SAMSN1: variants seen among roughly 807,000 people sequenced by gnomAD.
SAMSN1 encodes the protein SAM domain-containing protein SAMSN-1.
In SAMSN1, 31 loss-of-function variants were observed where a neutral mutation model predicts 42.0. That is an observed-to-expected ratio of 0.74 (90% CI 0.55 to 1.00). SAMSN1 has a LOEUF of 1.00. Among genes scored for constraint, SAMSN1 ranks in the 50% least tolerant of loss-of-function variants. The probability of loss-of-function intolerance (pLI) is 0.00; values close to 1 mark genes in which losing one functional copy is unlikely to be tolerated. For missense variants in SAMSN1, 464 were observed against 439.4 expected, an observed-to-expected ratio of 1.06 and a Z score of -0.50; for synonymous variants, 178 against 151.9, an observed-to-expected ratio of 1.17 and a Z score of -1.26.
chr21:14,516,916 G>A lies in SAMSN1; in HGVS notation c.255C>T (p.Tyr85=), dbSNP rs1355413755. 42 of 1,609,954 alleles carry A rather than the reference G, an allele frequency of 2.6e-5. No individual in the cohort carries two copies. The highest frequency in any genetic ancestry group is 3.6e-5 in the Non-Finnish European group (42 of 1,178,534). The change falls in exon 3 of 8, where the codon TAC becomes TAT. Residue 85 remains tyrosine (Y), a synonymous_variant. Transcript: ENST00000400566. ...WTMKKKVGKK[Y]IKALSEEKDE... ...CCTTTTCCTCAGAAAGGGCTTTGAT[G>A]TACTTTTTACCCACTTTTTTCTTCA...
chr21:14,655,670 T>TA (rs542129596), intron 1 of SAMSN1, among the ~76,000 whole-genome samples: 1 of 151,568 alleles, frequency 6.6e-6, no homozygotes, highest in African/African-American at 2.4e-5. Context: ...TAGAGTTATT[T>TA]AAAAAAAATT....
intron 4 of SAMSN1, 89 bp from the exon 5 acceptor site, chr21:14,510,550 G>T: frequency 7.0e-7 from 1 of 1,438,542 alleles, no homozygotes; most frequent in Non-Finnish European, 9.7e-7. Context: ...GATAATGCTG[G>T]AACACTGGAT....
At chr21:14,587,896 C>T (rs916686304), upstream of SAMSN1, among the ~76,000 whole-genome samples, 3 of 105,146 alleles carry the variant, frequency 2.9e-5, no homozygotes, top group Non-Finnish European at 5.4e-5. Flanking sequence ...TCCCTCCCCC[C>T]TCCCCCCACC....
At chr21:14,553,550 C>T (rs1204307365) in intron 2 of SAMSN1, among the ~76,000 whole-genome samples, 2 of 152,162 alleles carry the variant, frequency 1.3e-5, no homozygotes, top group Non-Finnish European at 2.9e-5. Context: ...TATCTCTGGT[C>T]TAAGTCTCAC....
intron 7 of SAMSN1, among the ~76,000 whole-genome samples, chr21:14,497,710 G>A (rs1363301915): frequency 2.0e-5 from 3 of 151,964 alleles, no homozygotes; most frequent in Admixed American, 2.0e-4. Flanking sequence ...TCCCCTTTTG[G>A]TTGCTCACAA....
At chr21:14,584,929 T>C (rs1259113431), upstream of SAMSN1, among the ~76,000 whole-genome samples, 1 of 152,244 alleles carries the variant, frequency 6.6e-6, no homozygotes, top group Non-Finnish European at 1.5e-5. Context: ...CTGTTATCTT[T>C]GTTCTTTAAG....
In SAMSN1 at chr21:14,649,302, T is replaced by C. The variant is rs920309934; in HGVS notation, c.25-6169A>G. 3.1e-4 allele frequency among the ~76,000 whole-genome samples: 46 copies of C among 146,822 alleles called. 1 individual carries two copies. In the East Asian group the frequency reaches 6.1e-3, roughly 20 times the overall value. ...TGGGGGGAGGGGGGGAGGGATAGCA[T>C]TGGGAGATATACCTAATGCTAGATG... On this transcript the variant is annotated intron_variant, in intron 1 of 15. Coordinates refer to the SAMSN1 transcript ENST00000647101.
At chr21:14,643,074 G>A (rs1358167348) in exon 2 of SAMSN1, 2 of 717,228 alleles carry the variant, frequency 2.8e-6, no homozygotes, top group Non-Finnish European at 5.2e-6. Flanking sequence ...TACTAGACAT[G>A]TTTTCTTGGT....
intron 1 of SAMSN1, chr21:14,582,621 A>G (rs1981779093): frequency 2.3e-6 from 1 of 430,918 alleles, no homozygotes; most frequent in African/African-American, 2.0e-5. Flanking sequence ...TTATAAAATT[A>G]TTTACAGCAG....
intron 5 of SAMSN1, among the ~76,000 whole-genome samples, chr21:14,506,869 G>A (rs957303036): frequency 1.3e-5 from 2 of 152,026 alleles, no homozygotes; most frequent in Admixed American, 1.3e-4. Context: ...TTAATACCAG[G>A]GATGCTGGGA....
chr21:14,569,070 C>G (rs927934894), intron 2 of SAMSN1, among the ~76,000 whole-genome samples: 1 of 152,026 alleles, frequency 6.6e-6, no homozygotes, highest in African/African-American at 2.4e-5. Context: ...GAAAGAGGAT[C>G]ACTTGAATCC....
intron 2 of SAMSN1, among the ~76,000 whole-genome samples, chr21:14,554,095 A>T (rs1980682355): frequency 6.6e-6 from 1 of 152,186 alleles, no homozygotes; most frequent in Non-Finnish European, 1.5e-5. Flanking sequence ...AATTACTATA[A>T]TAAATACAAT....
intron 2 of SAMSN1, among the ~76,000 whole-genome samples, chr21:14,629,170 T>C (rs1983258181): frequency 6.6e-6 from 1 of 152,168 alleles, no homozygotes; most frequent in Non-Finnish European, 1.5e-5. Flanking sequence ...ATACCACATG[T>C]CACTACTAAA....
intron 1 of SAMSN1, among the ~76,000 whole-genome samples, chr21:14,536,685 A>AAAGAAG (rs149732490): frequency 6.6e-6 from 1 of 152,136 alleles, no homozygotes; most frequent in Non-Finnish European, 1.5e-5. Flanking sequence ...TATGTTTAAG[A>AAAGAAG]AAGAAGAAGA....
intron 5 of SAMSN1, among the ~76,000 whole-genome samples, chr21:14,504,866 A>G (rs973700468): frequency 1.3e-5 from 2 of 152,248 alleles, no homozygotes; most frequent in East Asian, 3.8e-4. Flanking sequence ...CAGGTAACCC[A>G]TAAAGGAAAA....
intron 1 of SAMSN1, among the ~76,000 whole-genome samples, chr21:14,541,947 T>C (rs971571156): frequency 1.3e-5 from 2 of 149,556 alleles, no homozygotes; most frequent in African/African-American, 2.5e-5. Context: ...TGAGTGGTGA[T>C]TGTGCCTGCA....
At chr21:14,548,773 A>G (rs1035669296), upstream of SAMSN1, among the ~76,000 whole-genome samples, 2 of 152,026 alleles carry the variant, frequency 1.3e-5, no homozygotes, top group Non-Finnish European at 2.9e-5. Flanking sequence ...CTACTATTTT[A>G]TGGTATTTGG....
intron 2 of SAMSN1, among the ~76,000 whole-genome samples, chr21:14,571,522 C>CAACT (rs1427952240): frequency 6.6e-6 from 1 of 152,174 alleles, no homozygotes; most frequent in African/African-American, 2.4e-5. Flanking sequence ...ACTTGCTTTA[C>CAACT]AACTTCCCAG....
intron 7 of SAMSN1, 63 bp from the exon 8 acceptor site, chr21:14,486,177 A>C: frequency 9.1e-7 from 1 of 1,097,606 alleles, no homozygotes; most frequent in South Asian, 1.3e-5. Context: ...TCATGTACTC[A>C]TTCACTTTCA....
Sources: gnomAD v4.1 joint callset for allele counts (sites outside exome capture counted in the v4.1 genomes callset) on GRCh38, gnomAD v4.1.1 for gene constraint, MANE v1.5 for transcripts, NCBI Gene and HGNC (gene_info 2026-07-23, HGNC 2026-07-21) for gene names.